Variants in CCDC144A observed in about 807,000 individuals in gnomAD.
The protein encoded by CCDC144A is coiled-coil domain-containing protein 144A.
In CCDC144A, 41 loss-of-function variants were observed where a neutral mutation model predicts 143.8. The observed-to-expected ratio is 0.29, with a 90% CI of 0.22 to 0.37. The LOEUF (loss-of-function observed/expected upper bound fraction) is 0.37. CCDC144A is among the 10% of genes least tolerant of loss of function. The pLI, the probability that CCDC144A is intolerant of heterozygous loss-of-function variation, is 1.00. For missense variants in CCDC144A, 637 were observed against 1,488.8 expected, an observed-to-expected ratio of 0.43 and a Z score of 9.41; for synonymous variants, 242 against 517.9, an observed-to-expected ratio of 0.47 and a Z score of 7.23.
intron 12 of CCDC144A, chr17:16,746,787 C>G (rs1914546458): frequency 6.4e-6 from 10 of 1,550,580 alleles, no homozygotes; most frequent in African/African-American, 1.4e-5. Flanking sequence ...GCCGTTCCCA[C>G]CGGGGCGGAG....
At chr17:16,679,750 A>C in the CCDC144A span, among the ~76,000 whole-genome samples, 1 of 152,130 alleles carries the variant, frequency 6.6e-6, no homozygotes, top group Non-Finnish European at 1.5e-5. Context: ...GTCCCTATAG[A>C]ATTATCTTGA....
intron 9 of CCDC144A, among the ~76,000 whole-genome samples, chr17:16,729,745 G>T (rs913748105): frequency 2.0e-5 from 3 of 150,742 alleles, no homozygotes; most frequent in Non-Finnish European, 4.4e-5. Context: ...GTAAGACAAG[G>T]TTTCTCCATG....
chr17:16,722,247 G>C (rs1913133901), intron 8 of CCDC144A, among the ~76,000 whole-genome samples: 1 of 151,986 alleles, frequency 6.6e-6, no homozygotes, highest in Non-Finnish European at 1.5e-5. Flanking sequence ...ATATTTTACT[G>C]TCAAACAAAC....
At chr17:16,675,833 C>G in the CCDC144A span, among the ~76,000 whole-genome samples, 4 of 152,004 alleles carry the variant, frequency 2.6e-5, no homozygotes, top group Non-Finnish European at 5.9e-5. Flanking sequence ...AGCTCCTCCT[C>G]CCGGGTTCAC....
chr17:16,759,740 A>G (rs2687998), intron 12 of CCDC144A, among the ~76,000 whole-genome samples: 22 of 151,614 alleles, frequency 1.5e-4, no homozygotes, highest in South Asian at 2.1e-4. Flanking sequence ...TCCAATGGTA[A>G]TCCTACATGT....
the CCDC144A span, among the ~76,000 whole-genome samples, chr17:16,672,297 C>T: frequency 2.6e-5 from 4 of 151,864 alleles, no homozygotes; most frequent in Admixed American, 6.6e-5. Flanking sequence ...TGGGACATGT[C>T]GGCCGGGCAC....
the CCDC144A span, among the ~76,000 whole-genome samples, chr17:16,676,594 C>T: frequency 6.6e-6 from 1 of 151,770 alleles, no homozygotes; most frequent in African/African-American, 2.4e-5. Flanking sequence ...AATTTAGACA[C>T]CATCAAATAA....
intron 15 of CCDC144A, among the ~76,000 whole-genome samples, chr17:16,766,705 A>AC (rs1312437133): frequency 6.6e-6 from 1 of 152,148 alleles, no homozygotes; most frequent in African/African-American, 2.4e-5. Flanking sequence ...GCGCTGCTGC[A>AC]CTCCAACCTG....
At chr17:16,670,307 T>TTTTTTTTTTTTAAAGGGCCG in the CCDC144A span, among the ~76,000 whole-genome samples, 4 of 127,768 alleles carry the variant, frequency 3.1e-5, no homozygotes, top group Non-Finnish European at 4.9e-5. Context: ...TTTTTTTTTT[T>TTTTTTTTTTTTAAAGGGCCG]GACAGAGTCT....
chr17:16,696,604 G>A (rs4079129), intron 2 of CCDC144A, among the ~76,000 whole-genome samples: 42,248 of 145,758 alleles, frequency 0.29, 6,720 homozygotes, highest in Non-Finnish European at 0.36. Context: ...ACTGCACTCC[G>A]GCCTGGGTGA....
chr17:16,756,207 C>T (rs1039143525), intron 12 of CCDC144A, among the ~76,000 whole-genome samples: 1 of 152,202 alleles, frequency 6.6e-6, no homozygotes, highest in Non-Finnish European at 1.5e-5. Flanking sequence ...TGTGCCTTTT[C>T]CCATCTCTTC....
upstream of CCDC144A, among the ~76,000 whole-genome samples, chr17:16,686,869 C>T (rs2142733671): frequency 6.6e-6 from 1 of 151,960 alleles, no homozygotes. Flanking sequence ...CTCAGGGATG[C>T]AGGAATAGGC....
chr17:16,715,959 A>T (rs189922700), intron 6 of CCDC144A, among the ~76,000 whole-genome samples: 51 of 152,370 alleles, frequency 3.3e-4, no homozygotes, highest in Non-Finnish European at 6.6e-4. Context: ...ATGGTCACTG[A>T]TGATTGACTG....
At chr17:16,688,228 G>T (rs183081377), upstream of CCDC144A, among the ~76,000 whole-genome samples, 1 of 152,054 alleles carries the variant, frequency 6.6e-6, no homozygotes, top group East Asian at 1.9e-4. Context: ...TGCGGGTGGT[G>T]CTGGAATTTT....
intron 5 of CCDC144A, among the ~76,000 whole-genome samples, chr17:16,711,136 G>GAAAAAAAAAAA (rs1210697273): frequency 3.2e-4 from 7 of 21,764 alleles, no homozygotes; most frequent in East Asian, 1.2e-3. Context: ...GGATTCAAAT[G>GAAAAAAAAAAA]AAAAAAAAAA....
chr17:16,698,505 C>T (rs1428818408), intron 2 of CCDC144A, among the ~76,000 whole-genome samples: 1 of 152,162 alleles, frequency 6.6e-6, no homozygotes, highest in Non-Finnish European at 1.5e-5. Flanking sequence ...TGCAGCAGCT[C>T]CCTGTACAGG....
At chr17:16,680,209 A>G in the CCDC144A span, among the ~76,000 whole-genome samples, 11 of 151,990 alleles carry the variant, frequency 7.2e-5, no homozygotes, top group Non-Finnish European at 1.6e-4. Context: ...TGGGAGGATC[A>G]CTTAAGTCCA....
At position 16,775,206 on chromosome 17, in the gene CCDC144A, A is replaced by C. The variant is rs1480553375; in HGVS notation, c.*1573A>C. 1.3e-5 allele frequency: 2 copies of C among 152,272 alleles called. No individual in the cohort carries two copies. Among genetic ancestry groups the C allele is most frequent in the South Asian group, 4.1e-4 (2 of 4,832 alleles). 9.4% of individuals were successfully genotyped at this position (152,272 alleles called of 1,614,324 possible). ...GTGTATCTTTATACTAGAATTAGTT[A>C]TATTCCTTTGGGTATATACCAAGTA... On this transcript the variant is annotated 3_prime_UTR_variant, in exon 17 of 17. Transcript: ENST00000399273.
At chr17:16,742,663 C>T (rs1404537999) in intron 12 of CCDC144A, among the ~76,000 whole-genome samples, 6 of 152,182 alleles carry the variant, frequency 3.9e-5, no homozygotes, top group African/African-American at 1.4e-4. Context: ...ATTCCCTCCA[C>T]GAGTGCATAA....
Sources: allele counts gnomAD v4.1 joint callset (sites outside exome capture counted in the v4.1 genomes callset), GRCh38; gene constraint gnomAD v4.1.1; transcripts MANE v1.5; gene names NCBI Gene and HGNC (gene_info 2026-07-23, HGNC 2026-07-21).